Variants in PRKCH observed in about 807,000 individuals in gnomAD.
PRKCH encodes protein kinase C eta type.
In PRKCH, 28 loss-of-function variants were observed where a neutral mutation model predicts 82.5. The observed-to-expected ratio is 0.34, with a 90% CI of 0.25 to 0.47. The LOEUF is 0.47. PRKCH is among the 20% of genes least tolerant of loss of function. PRKCH has a pLI of 1.00. For missense variants in PRKCH, 705 were observed against 881.8 expected (o/e 0.80, Z 2.54); for synonymous variants, 322 against 327.4 (o/e 0.98, Z 0.18).
chr14:61,294,759 T>C (rs893188802), intron 1 of PRKCH, among the ~76,000 whole-genome samples: 5 of 151,794 alleles, frequency 3.3e-5, no homozygotes, highest in Non-Finnish European at 7.4e-5. Flanking sequence ...AACATAAACA[T>C]ACAAAAAGGC....
At chr14:61,195,743 T>C (rs1308608548) in intron 1 of PRKCH, among the ~76,000 whole-genome samples, 1 of 152,200 alleles carries the variant, frequency 6.6e-6, no homozygotes, top group Non-Finnish European at 1.5e-5. Context: ...GGCTTGTAGA[T>C]GGCCACCTTC....
At chr14:61,538,964 G>A (rs1413378216) in intron 12 of PRKCH, among the ~76,000 whole-genome samples, 1 of 152,200 alleles carries the variant, frequency 6.6e-6, no homozygotes, top group Admixed American at 6.5e-5. Context: ...TACATTTGGG[G>A]AATCATACCT....
At chr14:61,248,676 A>G (rs1235358649) in intron 1 of PRKCH, among the ~76,000 whole-genome samples, 3 of 152,124 alleles carry the variant, frequency 2.0e-5, no homozygotes, top group Admixed American at 6.6e-5. Context: ...CTGCCTCACC[A>G]CTGCAATGCA....
intron 1 of PRKCH, among the ~76,000 whole-genome samples, chr14:61,313,023 G>C (rs1321089611): frequency 6.6e-6 from 1 of 152,074 alleles, no homozygotes; most frequent in Non-Finnish European, 1.5e-5. Context: ...AGTGTGTAGA[G>C]GTTTTCATAA....
At chr14:61,221,181 A>C (rs2044653270) in intron 1 of PRKCH, among the ~76,000 whole-genome samples, 1 of 152,212 alleles carries the variant, frequency 6.6e-6, no homozygotes, top group Non-Finnish European at 1.5e-5. Flanking sequence ...ATCGGCTCAG[A>C]GGGAGCTGGA....
chr14:61,438,337 C>T (rs935706512), intron 2 of PRKCH, among the ~76,000 whole-genome samples: 5 of 152,114 alleles, frequency 3.3e-5, no homozygotes, highest in East Asian at 3.8e-4. Flanking sequence ...TGAGTTCAAT[C>T]GTATGTTACA....
chr14:61,295,349 A>G (rs1041567814), intron 1 of PRKCH, among the ~76,000 whole-genome samples: 1 of 152,220 alleles, frequency 6.6e-6, no homozygotes, highest in Non-Finnish European at 1.5e-5. Context: ...GCACAGAATT[A>G]CTGGAAAAGA....
intron 1 of PRKCH, among the ~76,000 whole-genome samples, chr14:61,228,608 C>A: frequency 4.5e-5 from 1 of 22,326 alleles, no homozygotes; most frequent in East Asian, 8.2e-4. Context: ...GTATTTTAGC[C>A]TCCCAAGATT....
At position 61,501,579 on chromosome 14, in the gene PRKCH, G is replaced by C. The variant is rs141059859; in HGVS notation, c.1433+15923G>C. Among the ~76,000 whole-genome samples the C allele has an allele frequency of 4.1e-3, 624 of 152,080 alleles. 9 individuals are homozygous for C. Among genetic ancestry groups the C allele is most frequent in the African/African-American group, 0.012 (506 of 41,410 alleles). ...GTTATCCCTCAATTTCTGGCACAGGGCATGGCAATATTTCTTTTTTCTTGT... is the reference window on the plus strand; with the variant it reads ...GTTATCCCTCAATTTCTGGCACAGGCCATGGCAATATTTCTTTTTTCTTGT... On this transcript the variant is annotated intron_variant, in intron 10 of 13. Coordinates refer to ENST00000332981, the MANE Select transcript of PRKCH (RefSeq NM_006255.5).
intron 10 of PRKCH, among the ~76,000 whole-genome samples, chr14:61,514,093 C>T (rs1353220813): frequency 1.3e-5 from 2 of 152,124 alleles, no homozygotes; most frequent in South Asian, 2.1e-4. Flanking sequence ...GCTTCACCCA[C>T]GCCTACTGCC....
At chr14:61,547,720 C>T (rs751719170) in intron 12 of PRKCH, 23 bp from the exon 13 acceptor site, 5 of 1,605,204 alleles carry the variant, frequency 3.1e-6, no homozygotes, top group South Asian at 1.1e-5. Flanking sequence ...GAATGATTGA[C>T]ACTTTCTCTC....
intron 1 of PRKCH, among the ~76,000 whole-genome samples, chr14:61,315,846 C>T (rs550138817): frequency 6.7e-6 from 1 of 149,516 alleles, no homozygotes; most frequent in East Asian, 2.0e-4. Context: ...CTCCTGGGTT[C>T]CAGCTACTTT....
chr14:61,273,847 A>C (rs2140087626), intron 1 of PRKCH, among the ~76,000 whole-genome samples: 1 of 152,332 alleles, frequency 6.6e-6, no homozygotes, highest in African/African-American at 2.4e-5. Context: ...GTAGGAAACA[A>C]AATGTTCACT....
At chr14:61,336,719 T>C (rs2045861357) in intron 1 of PRKCH, among the ~76,000 whole-genome samples, 1 of 152,076 alleles carries the variant, frequency 6.6e-6, no homozygotes, top group Non-Finnish European at 1.5e-5. Flanking sequence ...CAATACAAGT[T>C]GGTGGATGTG....
In PRKCH at chr14:61,485,563, A is replaced by G. The variant is rs752292090; in HGVS notation, c.1340A>G (p.Lys447Arg). The change falls in exon 10 of 14, where the codon AAG (lysine) becomes AGG (arginine). Residue 447 changes from lysine to arginine, a missense_variant. Physicochemically the swap from Lys to Arg is conservative, Grantham distance 26. This residue lies in a region of PRKCH where 238 missense variants were observed against 258.1 expected (regional missense o/e 0.92). Coordinates refer to ENST00000332981, the MANE Select transcript of PRKCH (RefSeq NM_006255.5). ...NGGDLMFHIQ[K>R]SRRFDEARAR... is the part of the protein sequence containing the mutation. ...GGTGACTTGATGTTCCACATTCAGA[A>G]GTCTCGTCGTTTTGATGAAGCACGA... is the stretch of plus-strand genomic sequence containing the variant. The G allele has an allele frequency of 6.2e-7, 1 of 1,614,168 alleles. No individual in the cohort carries two copies. The highest frequency in any genetic ancestry group is 1.1e-5 in the South Asian group (1 of 91,086).
chr14:61,229,994 TTG>T (rs928681833), intron 1 of PRKCH, among the ~76,000 whole-genome samples: 2 of 152,236 alleles, frequency 1.3e-5, no homozygotes. Flanking sequence ...GGTGTGTTTG[TTG>T]TCTTTTTTCC....
rs60304150 is a variant in PRKCH, at chr14:61,505,395, C to CT, written c.1433+19768dup. On this transcript the variant is annotated intron_variant, in intron 10 of 13. Coordinates refer to ENST00000332981, the MANE Select transcript of PRKCH (RefSeq NM_006255.5). ...TTTGTCTTTTCTTTTCTTTTCTTTT[C>CT]TTTTTTTTTTTTTTTTTTTTTTTTT... Among the ~76,000 whole-genome samples, 26 of 55,760 alleles carry CT rather than the reference C, an allele frequency of 4.7e-4. 1 individual carries two copies. The highest frequency in any genetic ancestry group is 1.1e-3 in the African/African-American group (17 of 15,394). 36.6% of individuals were successfully genotyped at this position (55,760 alleles called of 152,430 possible).
At chr14:61,212,903 G>A (rs985023407) in intron 1 of PRKCH, among the ~76,000 whole-genome samples, 6 of 152,220 alleles carry the variant, frequency 3.9e-5, no homozygotes, top group Admixed American at 6.5e-5. Context: ...AGTTGTCTCA[G>A]AGAATCACCC....
chr14:61,384,298 G>A (rs924915041), intron 1 of PRKCH, among the ~76,000 whole-genome samples: 1 of 152,184 alleles, frequency 6.6e-6, no homozygotes, highest in Admixed American at 6.5e-5. Flanking sequence ...CCCTTAGAGA[G>A]AATCTGGCTC....
Sources: gnomAD v4.1 joint callset for allele counts (sites outside exome capture counted in the v4.1 genomes callset) on GRCh38, gnomAD v4.1.1 for gene constraint, gnomAD v4.1.1 regional missense constraint, MANE v1.5 for transcripts, NCBI Gene and HGNC (gene_info 2026-07-23, HGNC 2026-07-21) for gene names.